NAV3: variants seen among roughly 807,000 people sequenced by gnomAD.
The protein encoded by NAV3 is pore membrane and/or filament interacting like protein 1.
Under a neutral mutation model 244.7 loss-of-function variants are expected in NAV3, and 87 were observed. The observed-to-expected ratio is 0.36, with a 90% CI of 0.30 to 0.42. The LOEUF (loss-of-function observed/expected upper bound fraction) is 0.42, where lower values mean the gene tolerates loss of function less well. Among genes scored for constraint, NAV3 ranks in the 20% least tolerant of loss-of-function variants. NAV3 has a pLI of 1.00. For synonymous variants in NAV3, 1,126 were observed against 1,042.2 expected, an observed-to-expected ratio of 1.08 and a Z score of -1.55; for missense variants, 2,663 against 2,893.3, an observed-to-expected ratio of 0.92 and a Z score of 1.83.
At chr12:78,039,254 C>T (rs1370030977) in intron 9 of NAV3, among the ~76,000 whole-genome samples, 2 of 152,104 alleles carry the variant, frequency 1.3e-5, no homozygotes, top group African/African-American at 4.8e-5. Flanking sequence ...ATTTCTACCA[C>T]GTGCTTCAAT....
At chr12:78,084,453 T>A (rs530582153) in intron 12 of NAV3, among the ~76,000 whole-genome samples, 2 of 151,168 alleles carry the variant, frequency 1.3e-5, no homozygotes, top group African/African-American at 4.8e-5. Context: ...GTATCACCAA[T>A]TTTTTTTTGT....
chr12:77,998,533 T>C (rs1360364949), intron 7 of NAV3, 57 bp downstream of exon 7: 49 of 1,494,272 alleles, frequency 3.3e-5, no homozygotes, highest in Non-Finnish European at 1.8e-6. Flanking sequence ...GTGAATTGCA[T>C]GCTAAATCTA....
intron 2 of NAV3, among the ~76,000 whole-genome samples, chr12:77,635,201 C>G (rs1872104013): frequency 6.6e-6 from 1 of 151,848 alleles, no homozygotes; most frequent in South Asian, 2.1e-4. Context: ...GCACTCCACC[C>G]TTGGTGACAG....
At chr12:78,046,728 C>G (rs1453000235) in intron 9 of NAV3, among the ~76,000 whole-genome samples, 3 of 152,126 alleles carry the variant, frequency 2.0e-5, no homozygotes, top group Non-Finnish European at 2.9e-5. Context: ...GTGGAGAGTT[C>G]TGTAGATGTC....
chr12:77,971,077 A>C (rs113581364), intron 5 of NAV3, among the ~76,000 whole-genome samples: 2 of 151,910 alleles, frequency 1.3e-5, no homozygotes, highest in Non-Finnish European at 2.9e-5. Context: ...TTATTTTCCT[A>C]TTCTTCTTGC....
In NAV3 at chr12:77,831,415, G is replaced by A; in HGVS notation, c.-47G>A. 6.5e-7 allele frequency: 1 copy of A among 1,545,034 alleles called. No homozygotes were observed. Among genetic ancestry groups the A allele is most frequent in the Non-Finnish European group, 8.7e-7 (1 of 1,149,640 alleles). On this transcript the variant is annotated 5_prime_UTR_variant, in exon 1 of 40. Coordinates refer to ENST00000397909, the MANE Select transcript of NAV3 (RefSeq NM_001024383.2). ...TAAAGTTGGAGTCTACCAGACTGAG[G>A]TTAGAAGCATTTTCTTTGGCAGCAA...
intron 19 of NAV3, among the ~76,000 whole-genome samples, chr12:78,137,922 A>C (rs576529546): frequency 3.9e-5 from 6 of 152,270 alleles, no homozygotes; most frequent in African/African-American, 1.4e-4. Context: ...TTCTATGTAA[A>C]TACTCCAAAT....
chr12:78,002,901 GTGT>G (rs1240854826), intron 7 of NAV3, among the ~76,000 whole-genome samples: 2 of 151,762 alleles, frequency 1.3e-5, no homozygotes, highest in East Asian at 3.9e-4. Context: ...TTGGCCATAT[GTGT>G]TGTTGGTTTA....
intron 22 of NAV3, among the ~76,000 whole-genome samples, chr12:78,154,038 A>G (rs1593814099): frequency 2.0e-5 from 3 of 147,430 alleles, no homozygotes; most frequent in African/African-American, 7.4e-5. Flanking sequence ...CATATAATAT[A>G]TGTTTTATAT....
intron 2 of NAV3, among the ~76,000 whole-genome samples, chr12:77,630,468 C>T (rs1158657481): frequency 1.3e-5 from 2 of 152,152 alleles, no homozygotes; most frequent in African/African-American, 4.8e-5. Context: ...CTGTACTCTC[C>T]ATAGAATGTA....
intron 34 of NAV3, among the ~76,000 whole-genome samples, chr12:78,190,840 A>G (rs1232991472): frequency 2.0e-5 from 3 of 152,134 alleles, no homozygotes; most frequent in Non-Finnish European, 4.4e-5. Flanking sequence ...ATGAGGGCCT[A>G]TACGGCGTAG....
chr12:77,622,683 G>A (rs182173103), intron 2 of NAV3, among the ~76,000 whole-genome samples: 21 of 151,674 alleles, frequency 1.4e-4, no homozygotes, highest in East Asian at 1.2e-3. Context: ...CATAATTCCC[G>A]GTTTTGACAC....
chr12:78,002,704 G>A (rs1251409314), intron 7 of NAV3, among the ~76,000 whole-genome samples: 1 of 151,880 alleles, frequency 6.6e-6, no homozygotes, highest in Non-Finnish European at 1.5e-5. Flanking sequence ...ATCTAATTAT[G>A]CATTTTAATG....
intron 2 of NAV3, among the ~76,000 whole-genome samples, chr12:77,588,997 A>G (rs1464703914): frequency 6.6e-6 from 1 of 152,152 alleles, no homozygotes; most frequent in East Asian, 1.9e-4. Context: ...AGAGTCCTGT[A>G]CCCTGGACTG....
chr12:77,920,960 T>C (rs1376847682), intron 1 of NAV3, among the ~76,000 whole-genome samples: 1 of 152,080 alleles, frequency 6.6e-6, no homozygotes, highest in Non-Finnish European at 1.5e-5. Context: ...TGGCTGTGGG[T>C]ACTTTCAATT....
At chr12:77,973,722 G>T (rs1893204993) in intron 5 of NAV3, among the ~76,000 whole-genome samples, 1 of 152,064 alleles carries the variant, frequency 6.6e-6, no homozygotes, top group South Asian at 2.1e-4. Context: ...TTGGCCAAAG[G>T]TTATAAATCT....
rs1293945156 is a variant in NAV3, at chr12:78,149,049, A to T, written c.4785+130A>T. 8.1e-6 allele frequency: 6 copies of T among 742,568 alleles called. No individual in the cohort carries two copies. The East Asian group carries it at 1.7e-4, about 21-fold the overall frequency. 46.0% of individuals were successfully genotyped at this position (742,568 alleles called of 1,614,324 possible). A position where few individuals can be genotyped will look rare whatever the true frequency, so the allele number is the denominator to read the frequency against. ...AGATTACCAACTAGCAGGACTCATA[A>T]AAAGTTAACATTTTTTGCCTACTCA... On this transcript the variant is annotated intron_variant, in intron 22 of 39. Transcript: ENST00000397909.
intron 1 of NAV3, among the ~76,000 whole-genome samples, chr12:77,899,375 T>C (rs1395198780): frequency 6.6e-6 from 1 of 152,160 alleles, no homozygotes; most frequent in Non-Finnish European, 1.5e-5. Flanking sequence ...TTACTTAAAT[T>C]GCCACAGTCA....
At chr12:77,622,245 C>T (rs1043125920) in intron 2 of NAV3, among the ~76,000 whole-genome samples, 11 of 152,194 alleles carry the variant, frequency 7.2e-5, no homozygotes, top group Non-Finnish European at 8.8e-5. Flanking sequence ...CTGCAAGCTC[C>T]GCCTCCTGGG....
Sources: gnomAD v4.1 joint callset for allele counts (sites outside exome capture counted in the v4.1 genomes callset) on GRCh38, gnomAD v4.1.1 for gene constraint, MANE v1.5 for transcripts, NCBI Gene and HGNC (gene_info 2026-07-23, HGNC 2026-07-21) for gene names.